Variants in ZNF217 observed in about 807,000 individuals in gnomAD.
The protein encoded by ZNF217 is zinc finger protein 217.
ZNF217 carries 12 observed loss-of-function variants against 73.3 expected under a neutral mutation model. The observed-to-expected ratio is 0.16, with a 90% CI of 0.10 to 0.27. The LOEUF (loss-of-function observed/expected upper bound fraction) is 0.27, where lower values mean the gene tolerates loss of function less well. Among genes scored for constraint, ZNF217 ranks in the 10% least tolerant of loss-of-function variants. ZNF217 has a pLI of 1.00. For synonymous variants in ZNF217, 588 were observed against 516.4 expected, an observed-to-expected ratio of 1.14 and a Z score of -1.88; for missense variants, 1,195 against 1,327.8, an observed-to-expected ratio of 0.90 and a Z score of 1.55.
intron 2 of ZNF217, among the ~76,000 whole-genome samples, chr20:53,580,188 G>C (rs540495676): frequency 6.6e-6 from 1 of 152,340 alleles, no homozygotes; most frequent in Non-Finnish European, 1.5e-5. Flanking sequence ...ACAGACTACA[G>C]TTCTCACGTC....
chr20:53,595,036 AAAAAAGGGAC>A (rs1479638451), upstream of ZNF217, among the ~76,000 whole-genome samples: 2 of 133,988 alleles, frequency 1.5e-5, no homozygotes, highest in African/African-American at 5.9e-5. Flanking sequence ...ACCGGGGACA[AAAAAAGGGAC>A]AAAAAAAAAA....
intron 1 of ZNF217, among the ~76,000 whole-genome samples, chr20:53,583,658 T>G (rs1461479252): frequency 2.0e-5 from 3 of 152,236 alleles, no homozygotes; most frequent in Non-Finnish European, 4.4e-5. Flanking sequence ...CCAAGAAATC[T>G]AAGTGCCCAA....
At chr20:53,591,852 CTT>C (rs1376956525) in intron 1 of ZNF217, among the ~76,000 whole-genome samples, 2 of 152,126 alleles carry the variant, frequency 1.3e-5, no homozygotes, top group Admixed American at 1.3e-4. Flanking sequence ...CATTTTAAGT[CTT>C]GTTTGATATC....
chr20:53,585,996 G>T (rs1988679591), intron 1 of ZNF217, among the ~76,000 whole-genome samples: 1 of 152,088 alleles, frequency 6.6e-6, no homozygotes, highest in Non-Finnish European at 1.5e-5. Flanking sequence ...CACCCCAAAT[G>T]TGCCATCCCT....
chr20:53,585,484 G>A (rs1988664066), intron 1 of ZNF217, among the ~76,000 whole-genome samples: 1 of 152,180 alleles, frequency 6.6e-6, no homozygotes, highest in Admixed American at 6.5e-5. Flanking sequence ...GGTGGAGGTT[G>A]CAGTGAGCCA....
chr20:53,595,360 T>TTTAA (rs1989024041), upstream of ZNF217, among the ~76,000 whole-genome samples: 1 of 152,198 alleles, frequency 6.6e-6, no homozygotes, highest in African/African-American at 2.4e-5. Flanking sequence ...ATGAAAAAAC[T>TTTAA]TTAAAACACA....
chr20:53,575,800 C>G lies in ZNF217; in HGVS notation c.2964G>C (p.Lys988Asn). ...AAAGTGGCCCGGAGCCACCATAGGG[C>G]TTCTGAACAGTCAGCACATTTGGAG... is the stretch of plus-strand genomic sequence containing the variant. ...VDSPNVLTVQ[K>N]PYGGSGPLYT... The change falls in exon 4 of 6, where the codon AAG becomes AAC. Residue 988 changes from lysine (K) to asparagine (N), a missense_variant. By Grantham distance (94) the Lys-to-Asn change is moderately conservative. Transcript: ENST00000371471. 1.2e-6 allele frequency: 2 copies of G among 1,613,784 alleles called. No homozygotes were observed. The highest frequency in any genetic ancestry group is 1.7e-6 in the Non-Finnish European group (2 of 1,179,884).
At chr20:53,593,657 A>G (rs1394686807) in intron 1 of ZNF217, 99 bp downstream of exon 1, 3 of 151,166 alleles carry the variant, frequency 2.0e-5, no homozygotes, top group African/African-American at 7.3e-5. Flanking sequence ...GGGGGGGGAC[A>G]AGACAACGAG....
In ZNF217 at chr20:53,577,101, T is replaced by C; in HGVS notation, c.1663A>G (p.Lys555Glu). Residue 555 changes from lysine to glutamate, a missense_variant, in exon 4 of 6, where the codon AAA becomes GAA. Around this residue, in one of 9 missense-constraint regions of ZNF217, gnomAD observed 649 missense variants for 642.8 expected, o/e 1.01. Transcript: ENST00000371471. ...ALLTADSAQT[K>E]NLKRFFDGAK... ...CCATCAAAAAATCTTTTCAAATTTT[T>C]GGTTTGCGCACTGTCAGCGGTTAAT... is the stretch of plus-strand genomic sequence containing the variant. 6.2e-7 allele frequency: 1 copy of C among 1,614,234 alleles called. No individual in the cohort carries two copies. The highest frequency in any genetic ancestry group is 2.2e-5 in the East Asian group (1 of 44,892).
chr20:53,570,345 C>A, intron 5 of ZNF217: 1 of 153,062 alleles, frequency 6.5e-6, no homozygotes. Context: ...ATATGAGTCC[C>A]GATGAAAATA....
In ZNF217 at chr20:53,581,979, G is replaced by A. The variant is rs776464913; in HGVS notation, c.848C>T (p.Pro283Leu). 2.5e-6 allele frequency: 4 copies of A among 1,614,218 alleles called. No homozygotes were observed. The Admixed American group carries it at 5.0e-5, about 20-fold the overall frequency. The change falls in exon 2 of 6, where the codon CCT (proline) becomes CTT (leucine). Residue 283 changes from proline (P) to leucine (L), a missense_variant. This residue lies in a region of ZNF217 where 126 missense variants were observed against 114.4 expected (regional missense o/e 1.10). Coordinates refer to ENST00000371471, the MANE Select transcript of ZNF217 (RefSeq NM_006526.3). This position sits in a 1 kb window ranked among gnomAD's most constrained non-coding sequence, Gnocchi z 4.9. ...ATCGAGCTGAGGGATGCATCTGACA[G>A]GCTTCTTCCCCGTTTCAGGGTGAGA... ...PKSHPETGKK[P>L]VRCIPQLDPF...
chr20:53,592,433 G>A (rs1296300423), intron 1 of ZNF217, among the ~76,000 whole-genome samples: 1 of 152,062 alleles, frequency 6.6e-6, no homozygotes, highest in Non-Finnish European at 1.5e-5. Flanking sequence ...TCTCAGGGCG[G>A]CCCAGATGCC....
intron 1 of ZNF217, among the ~76,000 whole-genome samples, chr20:53,592,640 C>G (rs1197636505): frequency 2.0e-5 from 3 of 151,720 alleles, no homozygotes; most frequent in Non-Finnish European, 4.4e-5. Context: ...CCGGCGCGCG[C>G]CCCGCGTGCC....
rs1203234665 is a variant in ZNF217 at position 53,581,927 on chromosome 20, C to T, written c.900G>A (p.Gln300=). ...TGGCAACTTTTCCTTTGGTAGCCAGCTGCCAAGCCTGGAAGGTGGTGAACG... is the reference window on the plus strand; with the variant it reads ...TGGCAACTTTTCCTTTGGTAGCCAGTTGCCAAGCCTGGAAGGTGGTGAACG... ...LDPFTTFQAW[Q]LATKGKVAIC... The change falls in exon 2 of 6, where the codon CAG becomes CAA. Residue 300 remains glutamine (Q), a synonymous_variant. Coordinates refer to ENST00000371471, the MANE Select transcript of ZNF217 (RefSeq NM_006526.3). This position sits in a 1 kb window ranked among gnomAD's most constrained non-coding sequence, Gnocchi z 4.9. 6.2e-7 allele frequency: 1 copy of T among 1,614,232 alleles called. No homozygotes were observed. Among genetic ancestry groups the T allele is most frequent in the Non-Finnish European group, 8.5e-7 (1 of 1,180,038 alleles).
chr20:53,576,976 G>A lies in ZNF217; in HGVS notation c.1788C>T (p.His596=). The stretch of plus-strand genomic sequence containing the variant: ...TTTTATGGAAATCCTGAGTATCTTT[G>A]TGTGCTGGTGAGAGGACAGCGCTGC... The part of the protein sequence containing the change: ...VLGSAVLSPA[H]KDTQDFHKNA... The change falls in exon 4 of 6, where the codon CAC becomes CAT. Residue 596 remains histidine, a synonymous_variant. Transcript: ENST00000371471. The A allele has an allele frequency of 6.2e-7, 1 of 1,614,196 alleles. No individual in the cohort carries two copies. Among genetic ancestry groups the A allele is most frequent in the Non-Finnish European group, 8.5e-7 (1 of 1,180,042 alleles).
intron 1 of ZNF217, among the ~76,000 whole-genome samples, chr20:53,584,597 AGAGACCC>A (rs1185591431): frequency 6.6e-6 from 1 of 152,244 alleles, no homozygotes; most frequent in African/African-American, 2.4e-5. Context: ...AGAACACTCC[AGAGACCC>A]GAGTTCTAGT....
Position 53,576,235 on chromosome 20 carries a change from A to T in ZNF217, c.2529T>A (p.Pro843=). Residue 843 remains proline (P), a synonymous_variant, in exon 4 of 6, where the codon CCT becomes CCA. Transcript: ENST00000371471. The stretch of plus-strand genomic sequence containing the variant: ...CCGGTGCAGGGGAAACACTGGTTTT[A>T]GGAAACATCTCAGATTGCTGTTGCC... The part of the protein sequence containing the change: ...ATRQQQSEMF[P]KTSVSPAPDK... 1 of 1,614,210 alleles carries T rather than the reference A, an allele frequency of 6.2e-7. No individual in the cohort carries two copies.
At position 53,579,258 on chromosome 20, in the gene ZNF217, A is replaced by C. The variant is rs554086676; in HGVS notation, c.1367-808T>G. On this transcript the variant is annotated intron_variant, in intron 2 of 5. Coordinates refer to ENST00000371471, the MANE Select transcript of ZNF217 (RefSeq NM_006526.3). The stretch of plus-strand genomic sequence containing the variant: ...AGACAATCAGAGGTGCTGCCGTTAA[A>C]ATACCACCCCCAAAACACATGAATG... Among the ~76,000 whole-genome samples the C allele has an allele frequency of 8.5e-5, 13 of 152,296 alleles. No homozygotes were observed. The South Asian group carries it at 2.7e-3, about 32-fold the overall frequency.
In ZNF217 at chr20:53,581,610, T is replaced by G. The variant is rs773535475; in HGVS notation, c.1217A>C (p.Glu406Ala). The change falls in exon 2 of 6, where the codon GAG (glutamate) becomes GCG (alanine). Residue 406 changes from glutamate (E) to alanine (A), a missense_variant. By Grantham distance (107) the Glu-to-Ala change is moderately radical. This residue lies in a region of ZNF217 where 116 missense variants were observed against 121.9 expected (regional missense o/e 0.95). Transcript: ENST00000371471. The surrounding 1 kb of genome is among the most constrained non-coding windows in gnomAD (Gnocchi z 4.9). ...VHKKDRRAGA[E>A]SPTMSVDGRQ... ...CCCGTCCACAGACATGGTGGGCGACTCCGCGCCGGCCCTCCGGTCCTTCTT... is the reference window on the plus strand; with the variant it reads ...CCCGTCCACAGACATGGTGGGCGACGCCGCGCCGGCCCTCCGGTCCTTCTT... The G allele has an allele frequency of 6.2e-7, 1 of 1,614,186 alleles. No homozygotes were observed. Among genetic ancestry groups the G allele is most frequent in the Non-Finnish European group, 8.5e-7 (1 of 1,180,034 alleles).
Sources: allele counts gnomAD v4.1 joint callset (sites outside exome capture counted in the v4.1 genomes callset), GRCh38; gene constraint gnomAD v4.1.1; regional missense constraint gnomAD v4.1.1; non-coding constraint Gnocchi (gnomAD v3.1); transcripts MANE v1.5; gene names NCBI Gene and HGNC (gene_info 2026-07-23, HGNC 2026-07-21).